KLF12: variants seen among roughly 807,000 people sequenced by gnomAD.
KLF12 encodes the protein Krueppel-like factor 12.
KLF12 carries 9 observed loss-of-function variants against 37.8 expected under a neutral mutation model. The observed-to-expected ratio is 0.24, with a 90% CI of 0.14 to 0.42. KLF12 has a LOEUF of 0.42. Among genes scored for constraint, KLF12 ranks in the 10% least tolerant of loss-of-function variants. KLF12 has a pLI of 1.00. For synonymous variants in KLF12, 208 were observed against 202.1 expected (o/e 1.03, Z -0.25); for missense variants, 411 against 516.0 (o/e 0.80, Z 1.97).
At chr13:73,710,010 G>GCC (rs1412344587) in intron 7 of KLF12, among the ~76,000 whole-genome samples, 1 of 152,096 alleles carries the variant, frequency 6.6e-6, no homozygotes, top group East Asian at 1.9e-4. Flanking sequence ...AGAATAATGG[G>GCC]CCCAAATCAA....
chr13:74,277,466 C>T, the KLF12 span, among the ~76,000 whole-genome samples: 1 of 152,112 alleles, frequency 6.6e-6, no homozygotes, highest in African/African-American at 2.4e-5. Flanking sequence ...GTGTTTAATG[C>T]CATGTGCCAG....
upstream of KLF12, among the ~76,000 whole-genome samples, chr13:74,138,198 C>T (rs747727225): frequency 4.6e-5 from 7 of 152,078 alleles, no homozygotes; most frequent in Non-Finnish European, 2.9e-5. Flanking sequence ...AGCACTAATA[C>T]GATTTCAAGG....
chr13:73,810,982 C>CTTTCTTTTTTTTTTTTTTTTT (rs1555308731), intron 5 of KLF12, among the ~76,000 whole-genome samples: 15 of 44,818 alleles, frequency 3.3e-4, no homozygotes, highest in African/African-American at 1.0e-3. Flanking sequence ...ATTTTTCTTT[C>CTTTCTTTTTTTTTTTTTTTTT]TTTTTTTTTT....
At chr13:73,748,129 C>A (rs1020646885) in intron 6 of KLF12, among the ~76,000 whole-genome samples, 1 of 152,146 alleles carries the variant, frequency 6.6e-6, no homozygotes, top group Non-Finnish European at 1.5e-5. Context: ...TTATTTACCA[C>A]CAATATAACC....
the KLF12 span, among the ~76,000 whole-genome samples, chr13:74,186,111 TA>T: frequency 5.3e-5 from 8 of 152,180 alleles, no homozygotes; most frequent in Non-Finnish European, 1.2e-4. Context: ...CATGATCATA[TA>T]CCAATTGCCA....
At chr13:74,198,403 A>G in the KLF12 span, among the ~76,000 whole-genome samples, 246 of 152,240 alleles carry the variant, frequency 1.6e-3, 2 homozygotes, top group Non-Finnish European at 2.5e-3. Flanking sequence ...CACCCCAGAG[A>G]AGTGCTCCGT....
intron 1 of KLF12, among the ~76,000 whole-genome samples, chr13:74,052,584 G>A (rs113182900): frequency 0.012 from 1,762 of 152,108 alleles, 34 homozygotes; most frequent in African/African-American, 0.04. Context: ...ATCATGTGGC[G>A]GCCAGATCAC....
chr13:73,999,630 C>T lies in KLF12; in HGVS notation c.-31-4577G>A, dbSNP rs565342704. 2.8e-4 allele frequency among the ~76,000 whole-genome samples: 43 copies of T among 152,106 alleles called. No homozygotes were observed. In the East Asian group the frequency reaches 6.2e-3, roughly 22 times the overall value. ...TGGCGGGCGCCTGTAGTCCCAGCTA[C>T]TCTGGAGGCTGAGGCAGGAGAATGG... On this transcript the variant is annotated intron_variant, in intron 1 of 7. Coordinates refer to ENST00000377669, the MANE Select transcript of KLF12 (RefSeq NM_007249.5).
intron 1 of KLF12, among the ~76,000 whole-genome samples, chr13:74,049,130 G>A (rs1254207403): frequency 6.6e-6 from 1 of 152,156 alleles, no homozygotes; most frequent in Non-Finnish European, 1.5e-5. Flanking sequence ...CTCAGCCCCA[G>A]AAGTCTAGCA....
rs190537274 is a variant in KLF12, at chr13:73,893,421, G to A, written c.124-47048C>T. Among the ~76,000 whole-genome samples the A allele has an allele frequency of 3.9e-3, 436 of 111,058 alleles. 1 individual carries two copies. Among genetic ancestry groups the A allele is most frequent in the African/African-American group, 0.013 (369 of 28,384 alleles). The allele number at this position is 111,058 out of a possible 152,430, so 72.9% of individuals were successfully genotyped here. A position where few individuals can be genotyped will look rare whatever the true frequency, so the allele number is the denominator to read the frequency against. On this transcript the variant is annotated intron_variant, in intron 3 of 7. Transcript: ENST00000377669. ...GACAGAGCCTCAGCCTCACTCTTTC[G>A]CCCAGGCTAGAGTGCAGTGGCGCGA... is the stretch of plus-strand genomic sequence containing the variant.
chr13:74,141,051 G>C, the KLF12 span, among the ~76,000 whole-genome samples: 147,739 of 151,712 alleles, frequency 0.97, 72,079 homozygotes, highest in Middle Eastern at 1. Flanking sequence ...GGTGACAGAG[G>C]GAGACTGTCT....
the KLF12 span, among the ~76,000 whole-genome samples, chr13:74,201,730 A>C: frequency 6.6e-6 from 1 of 152,174 alleles, no homozygotes; most frequent in Non-Finnish European, 1.5e-5. Context: ...GGCTCCTCTC[A>C]GATGGTTCCA....
At chr13:74,255,768 A>G in the KLF12 span, among the ~76,000 whole-genome samples, 2 of 152,202 alleles carry the variant, frequency 1.3e-5, no homozygotes, top group Non-Finnish European at 2.9e-5. Flanking sequence ...GGAGACAAAT[A>G]TATTTCCATA....
chr13:74,134,527 C>T (rs1462556234), upstream of KLF12, among the ~76,000 whole-genome samples: 1 of 151,358 alleles, frequency 6.6e-6, no homozygotes, highest in Non-Finnish European at 1.5e-5. Context: ...GCGCCTCCAC[C>T]CCGCCCCACC....
intron 3 of KLF12, among the ~76,000 whole-genome samples, chr13:73,887,327 T>C (rs1454139540): frequency 1.3e-5 from 2 of 152,208 alleles, no homozygotes; most frequent in African/African-American, 2.4e-5. Flanking sequence ...CAATCCTCAA[T>C]GTTAGAGCTA....
chr13:73,728,017 A>ATGAAATTTGGATG (rs1456352487), intron 6 of KLF12, among the ~76,000 whole-genome samples: 3 of 152,214 alleles, frequency 2.0e-5, no homozygotes, highest in Admixed American at 6.5e-5. Context: ...TCTGTAAAAG[A>ATGAAATTTGGATG]AAATGCAGCT....
chr13:73,769,333 A>G (rs1249310615), intron 5 of KLF12, among the ~76,000 whole-genome samples: 2 of 152,194 alleles, frequency 1.3e-5, no homozygotes, highest in African/African-American at 2.4e-5. Context: ...TTCAAATCTA[A>G]TGGTGAATTC....
chr13:74,299,020 G>A, the KLF12 span, among the ~76,000 whole-genome samples: 1 of 152,184 alleles, frequency 6.6e-6, no homozygotes, highest in Non-Finnish European at 1.5e-5. Flanking sequence ...TGGGTAAGTA[G>A]GACCATGGCA....
intron 4 of KLF12, among the ~76,000 whole-genome samples, chr13:73,834,476 A>G (rs955937709): frequency 2.0e-5 from 3 of 152,208 alleles, no homozygotes; most frequent in East Asian, 3.9e-4. Context: ...GTCCCAAGAC[A>G]TAACTGTCCA....
Sources: gnomAD v4.1 joint callset for allele counts (sites outside exome capture counted in the v4.1 genomes callset) on GRCh38, gnomAD v4.1.1 for gene constraint, MANE v1.5 for transcripts, NCBI Gene and HGNC (gene_info 2026-07-23, HGNC 2026-07-21) for gene names.